Variants in USH2A observed in about 807,000 individuals in gnomAD.
The protein encoded by USH2A is usherin, also known as Usher syndrome 2A (autosomal recessive, mild).
USH2A carries 443 observed loss-of-function variants against 538.9 expected under a neutral mutation model. The observed-to-expected ratio is 0.82, with a 90% CI of 0.76 to 0.89. USH2A has a LOEUF of 0.89. Ranked by LOEUF, USH2A falls within the 40% of genes least tolerant of loss-of-function variation. USH2A has a pLI of 0.00. For missense variants in USH2A, 6,633 were observed against 6,324.8 expected (o/e 1.05, Z -1.65); for synonymous variants, 2,413 against 2,273.5 (o/e 1.06, Z -1.75).
chr1:216,338,973 A>G (rs2102675622), intron 4 of USH2A, among the ~76,000 whole-genome samples: 1 of 151,728 alleles, frequency 6.6e-6, no homozygotes, highest in African/African-American at 2.4e-5. Context: ...ATATATCAAA[A>G]TGGAAGATAA....
At chr1:216,135,169 CACACACACAT>C (rs1168625939) in intron 21 of USH2A, among the ~76,000 whole-genome samples, 61 of 101,828 alleles carry the variant, frequency 6.0e-4, no homozygotes, top group East Asian at 4.3e-3. Flanking sequence ...CTCTCTCTCA[CACACACACAT>C]ACACACACAC....
intron 67 of USH2A, among the ~76,000 whole-genome samples, chr1:215,643,960 C>T (rs2102639135): frequency 6.6e-6 from 1 of 152,332 alleles, no homozygotes; most frequent in African/African-American, 2.4e-5. Flanking sequence ...TAGCTGTTCT[C>T]TGGCTTTCTG....
intron 38 of USH2A, 128 bp downstream of exon 38, chr1:215,934,488 A>G: frequency 1.0e-6 from 1 of 954,242 alleles, no homozygotes; most frequent in South Asian, 1.6e-5. Context: ...TATTAAAAGA[A>G]CCAGAAATAC....
chr1:215,631,189 G>T (rs1270034806), intron 70 of USH2A, among the ~76,000 whole-genome samples: 1 of 151,996 alleles, frequency 6.6e-6, no homozygotes, highest in East Asian at 1.9e-4. Context: ...GAGGGTCACA[G>T]CAGCACTGAA....
chr1:216,395,044 T>G (rs1415764790), intron 3 of USH2A, among the ~76,000 whole-genome samples: 1 of 152,004 alleles, frequency 6.6e-6, no homozygotes, highest in Non-Finnish European at 1.5e-5. Context: ...ACTCTAATCA[T>G]CTGATGTCAC....
At chr1:216,109,872 G>A (rs1004453187) in intron 21 of USH2A, among the ~76,000 whole-genome samples, 1 of 152,026 alleles carries the variant, frequency 6.6e-6, no homozygotes, top group Non-Finnish European at 1.5e-5. Context: ...GCTATTTCAT[G>A]TTTTGTAAAA....
At chr1:215,903,970 T>C (rs530020136) in intron 38 of USH2A, among the ~76,000 whole-genome samples, 2 of 152,212 alleles carry the variant, frequency 1.3e-5, no homozygotes, top group Admixed American at 6.6e-5. Context: ...ACACAAATGG[T>C]TTTTAACAAT....
intron 11 of USH2A, among the ~76,000 whole-genome samples, chr1:216,285,675 C>A (rs1447154671): frequency 1.3e-5 from 2 of 152,210 alleles, no homozygotes; most frequent in African/African-American, 4.8e-5. Flanking sequence ...AAGCCACAGA[C>A]ACTCAATGCC....
intron 61 of USH2A, among the ~76,000 whole-genome samples, chr1:215,692,441 G>T (rs1658648021): frequency 1.4e-5 from 2 of 143,230 alleles, no homozygotes; most frequent in Non-Finnish European, 3.0e-5. Flanking sequence ...AGGAGAGAAA[G>T]ATATTTTACA....
At chr1:216,089,765 C>T (rs1320872733) in intron 22 of USH2A, among the ~76,000 whole-genome samples, 5 of 150,612 alleles carry the variant, frequency 3.3e-5, no homozygotes, top group Non-Finnish European at 7.4e-5. Flanking sequence ...AGTGATAAGA[C>T]ATAGGAAATG....
At chr1:216,154,891 G>A (rs1287934939) in intron 21 of USH2A, among the ~76,000 whole-genome samples, 1 of 149,692 alleles carries the variant, frequency 6.7e-6, no homozygotes. Flanking sequence ...ATGCGTATGT[G>A]TGTGCCAGCC....
chr1:215,751,095 C>T (rs1660608580), intron 58 of USH2A, among the ~76,000 whole-genome samples: 1 of 152,176 alleles, frequency 6.6e-6, no homozygotes, highest in African/African-American at 2.4e-5. Flanking sequence ...TAATGTGAAT[C>T]CTTTAGAAAG....
rs1054922818 is a variant in USH2A at position 216,351,066 on chromosome 1, T to C, written c.784+13887A>G. 3.3e-5 allele frequency among the ~76,000 whole-genome samples: 5 copies of C among 152,144 alleles called. 1 individual carries two copies. Among genetic ancestry groups the C allele is most frequent in the Non-Finnish European group, 4.4e-5 (3 of 68,014 alleles). On this transcript the variant is annotated intron_variant, in intron 4 of 71. Transcript: ENST00000307340. ...GGAAGCTGCCCATCGATTCATTTACTTGGAAAATATGTATTGAGTAGCTAC... is the reference window on the plus strand; with the variant it reads ...GGAAGCTGCCCATCGATTCATTTACCTGGAAAATATGTATTGAGTAGCTAC...
Position 215,813,924 on chromosome 1 carries a change from T to C in USH2A, c.9571-20A>G, listed in dbSNP as rs755826731. The C allele has an allele frequency of 2.5e-6, 4 of 1,612,982 alleles. No homozygotes were observed. In the South Asian group the frequency reaches 4.4e-5, roughly 18 times the overall value. On this transcript the variant is annotated intron_variant, in intron 48 of 71. Coordinates refer to ENST00000307340, the MANE Select transcript of USH2A (RefSeq NM_206933.4). ...ACAAACCTGAAAGTTTGAAAACAGT[T>C]TTAAAGAAATATCAGTTTAGTTAAG...
chr1:216,179,425 T>C (rs999695887), intron 20 of USH2A, among the ~76,000 whole-genome samples: 3 of 152,144 alleles, frequency 2.0e-5, no homozygotes, highest in African/African-American at 7.2e-5. Flanking sequence ...AGAGGAATTA[T>C]TCCATCTAGC....
chr1:215,721,981 C>T (rs2102707687), intron 61 of USH2A, among the ~76,000 whole-genome samples: 1 of 151,644 alleles, frequency 6.6e-6, no homozygotes, highest in Non-Finnish European at 1.5e-5. Flanking sequence ...GGGAGGATCA[C>T]TTCAGTGCAG....
intron 21 of USH2A, among the ~76,000 whole-genome samples, chr1:216,141,385 G>A (rs2033600273): frequency 6.6e-6 from 1 of 152,178 alleles, no homozygotes; most frequent in African/African-American, 2.4e-5. Flanking sequence ...GAGCATCACA[G>A]GAGTCTACAG....
chr1:216,360,744 T>C (rs568450354), intron 4 of USH2A, among the ~76,000 whole-genome samples: 107 of 152,174 alleles, frequency 7.0e-4, no homozygotes, highest in Non-Finnish European at 1.3e-3. Context: ...TGAATATGTT[T>C]GAACAAGTCT....
intron 21 of USH2A, among the ~76,000 whole-genome samples, chr1:216,136,126 G>A (rs917447215): frequency 6.6e-6 from 1 of 151,982 alleles, no homozygotes; most frequent in Admixed American, 6.6e-5. Flanking sequence ...AGTGGATTGT[G>A]GTTATTACTG....
Sources: allele counts gnomAD v4.1 joint callset (sites outside exome capture counted in the v4.1 genomes callset), GRCh38; gene constraint gnomAD v4.1.1; transcripts MANE v1.5; gene names NCBI Gene and HGNC (gene_info 2026-07-23, HGNC 2026-07-21).